Variants in PIK3C3 observed in about 807,000 individuals in gnomAD.
PIK3C3 encodes phosphatidylinositol 3-kinase catalytic subunit type 3.
Under a neutral mutation model 126.1 loss-of-function variants are expected in PIK3C3, and 95 were observed. The observed-to-expected ratio is 0.75, with a 90% confidence interval of 0.64 to 0.89. The LOEUF (loss-of-function observed/expected upper bound fraction) is 0.89. Ranked by LOEUF, PIK3C3 falls within the 40% of genes least tolerant of loss-of-function variation. The probability of loss-of-function intolerance (pLI) is 0.00; values close to 1 mark genes in which losing one functional copy is unlikely to be tolerated. For synonymous variants in PIK3C3, 374 were observed against 360.0 expected (o/e 1.04, Z -0.44); for missense variants, 829 against 1,063.2 (o/e 0.78, Z 3.06).
chr18:42,077,540 C>A (rs1986076986), intron 24 of PIK3C3, among the ~76,000 whole-genome samples: 1 of 152,208 alleles, frequency 6.6e-6, no homozygotes, highest in African/African-American at 2.4e-5. Flanking sequence ...TTTGCTTATC[C>A]AGAAGGAGGA....
In PIK3C3 at chr18:41,955,358, A is replaced by G. The variant is rs1159878297; in HGVS notation, c.67A>G (p.Ile23Val). ...CDLDINVQLK[I>V]GSLEGKREQK... ...CCTGGATATCAACGTCCAGCTTAAG[A>G]TGTAAGAGAACACTCGGGACAGGGA... Residue 23 changes from isoleucine (I) to valine (V), a missense_variant and splice_region_variant, in exon 1 of 25, where the codon ATA (isoleucine) becomes GTA (valine). Ile to Val is a conservative substitution (Grantham distance 29). This residue lies in a region of PIK3C3 where 313 missense variants were observed against 340.7 expected (regional missense o/e 0.92). Transcript: ENST00000262039. 1 of 1,612,500 alleles carries G rather than the reference A, an allele frequency of 6.2e-7. No individual in the cohort carries two copies.
In PIK3C3 at chr18:41,970,295, A is replaced by G. The variant is rs769937395; in HGVS notation, c.402-32A>G. ...TTCCTGTAATGAACTGTATTAATTT[A>G]CTTCTACCCTGAACATTCTCTTTTT... On this transcript the variant is annotated intron_variant, in intron 3 of 24. Coordinates refer to ENST00000262039, the MANE Select transcript of PIK3C3 (RefSeq NM_002647.4). 3.8e-6 allele frequency: 6 copies of G among 1,598,928 alleles called. No individual in the cohort carries two copies. The Admixed American group carries it at 5.0e-5, about 13-fold the overall frequency.
intron 4 of PIK3C3, among the ~76,000 whole-genome samples, chr18:41,971,728 TATAATATGAAAAAG>T (rs1427920708): frequency 1.3e-5 from 2 of 152,016 alleles, no homozygotes; most frequent in African/African-American, 4.8e-5. Context: ...TGTGGGTCAC[TATAATATGAAAAAG>T]GTTAAATTAA....
chr18:42,035,637 T>C (rs1984015764), intron 16 of PIK3C3, among the ~76,000 whole-genome samples: 1 of 152,186 alleles, frequency 6.6e-6, no homozygotes, highest in South Asian at 2.1e-4. Context: ...ATATTAGTTA[T>C]ATAGAGTGTC....
At chr18:42,055,603 G>A (rs557564197) in intron 21 of PIK3C3, among the ~76,000 whole-genome samples, 4 of 152,204 alleles carry the variant, frequency 2.6e-5, no homozygotes, top group African/African-American at 9.6e-5. Flanking sequence ...AAAAATTGAA[G>A]AGTGGGAAAC....
intron 12 of PIK3C3, among the ~76,000 whole-genome samples, 200 bp from the exon 13 acceptor site, chr18:42,020,438 A>G (rs969674147): frequency 6.6e-6 from 1 of 152,160 alleles, no homozygotes; most frequent in Non-Finnish European, 1.5e-5. Flanking sequence ...AGTCCTCTGA[A>G]CTGCGGTATT....
intron 20 of PIK3C3, among the ~76,000 whole-genome samples, chr18:42,045,529 T>C (rs919367057): frequency 9.9e-5 from 15 of 152,226 alleles, no homozygotes; most frequent in African/African-American, 3.1e-4. Context: ...GACCTGTCCC[T>C]GGCTTGGGCC....
At chr18:41,986,258 T>A (rs1823078684) in intron 4 of PIK3C3, among the ~76,000 whole-genome samples, 1 of 152,164 alleles carries the variant, frequency 6.6e-6, no homozygotes, top group Non-Finnish European at 1.5e-5. Context: ...AAATAAATGT[T>A]ATTTTTTTCT....
At chr18:41,997,304 A>C (rs186037682) in intron 9 of PIK3C3, among the ~76,000 whole-genome samples, 218 of 152,234 alleles carry the variant, frequency 1.4e-3, no homozygotes, top group Non-Finnish European at 2.5e-3. Context: ...ACAGGTTGGC[A>C]TACAGGATAA....
intron 20 of PIK3C3, among the ~76,000 whole-genome samples, chr18:42,046,559 A>T (rs1179173060): frequency 1.3e-5 from 2 of 152,182 alleles, no homozygotes; most frequent in African/African-American, 4.8e-5. Context: ...GGAATAAAAA[A>T]ACTAACAACA....
intron 16 of PIK3C3, among the ~76,000 whole-genome samples, chr18:42,034,635 G>A (rs531051097): frequency 6.6e-6 from 1 of 152,240 alleles, no homozygotes; most frequent in South Asian, 2.1e-4. Flanking sequence ...CACCAGTTCA[G>A]GTAGAAACAG....
At chr18:42,059,578 A>G (rs1246197909) in intron 22 of PIK3C3, among the ~76,000 whole-genome samples, 2 of 152,206 alleles carry the variant, frequency 1.3e-5, no homozygotes, top group African/African-American at 4.8e-5. Flanking sequence ...TTGGTAGTGG[A>G]TTAGTAGCAA....
At chr18:41,972,917 A>C (rs1466026067) in intron 4 of PIK3C3, among the ~76,000 whole-genome samples, 1 of 152,084 alleles carries the variant, frequency 6.6e-6, no homozygotes. Context: ...AGATTTGACA[A>C]AATTGGAAGG....
At chr18:42,035,521 A>G (rs533266129) in intron 16 of PIK3C3, among the ~76,000 whole-genome samples, 2 of 152,128 alleles carry the variant, frequency 1.3e-5, no homozygotes, top group Non-Finnish European at 2.9e-5. Flanking sequence ...TTTTGACCTC[A>G]GTATTCAGTC....
chr18:42,054,134 ATATATATATATATATATATATATATAT>A (rs1984932655), intron 21 of PIK3C3, among the ~76,000 whole-genome samples: 3 of 12,574 alleles, frequency 2.4e-4, no homozygotes, highest in African/African-American at 1.4e-3. Context: ...TGGTATATAT[ATATATATATATATATATATATATATAT>A]ATATATATAT....
chr18:41,996,927 T>C (rs1313494100), intron 9 of PIK3C3, among the ~76,000 whole-genome samples, 197 bp downstream of exon 9: 1 of 152,170 alleles, frequency 6.6e-6, no homozygotes, highest in African/African-American at 2.4e-5. Context: ...TGTTGACTCA[T>C]AGACAATGTC....
chr18:42,075,048 T>C (rs1251957337), intron 24 of PIK3C3, among the ~76,000 whole-genome samples: 1 of 152,164 alleles, frequency 6.6e-6, no homozygotes, highest in Non-Finnish European at 1.5e-5. Flanking sequence ...TAGTTCTTCT[T>C]ATTTTACCAC....
intron 17 of PIK3C3, 91 bp downstream of exon 17, chr18:42,037,911 T>A (rs1984129146): frequency 8.2e-7 from 1 of 1,216,946 alleles, no homozygotes; most frequent in Admixed American, 2.1e-5. Flanking sequence ...CAGAAGTATT[T>A]GTAACATTCA....
chr18:42,062,878 T>TG (rs1055939884), intron 22 of PIK3C3, among the ~76,000 whole-genome samples: 2 of 151,996 alleles, frequency 1.3e-5, no homozygotes, highest in African/African-American at 4.8e-5. Context: ...GCTAAATCCT[T>TG]TGTGTTTTTC....
Sources: gnomAD v4.1 joint callset for allele counts (sites outside exome capture counted in the v4.1 genomes callset) on GRCh38, gnomAD v4.1.1 for gene constraint, gnomAD v4.1.1 regional missense constraint, MANE v1.5 for transcripts, NCBI Gene and HGNC (gene_info 2026-07-23, HGNC 2026-07-21) for gene names.